TMEM97: variants seen among roughly 807,000 people sequenced by gnomAD.
The protein encoded by TMEM97 is sigma intracellular receptor 2.
In TMEM97, 13 loss-of-function variants were observed where a neutral mutation model predicts 18.3. The observed-to-expected ratio is 0.71, with a 90% CI of 0.46 to 1.13. TMEM97 has a LOEUF of 1.13. Among genes scored for constraint, TMEM97 ranks in the 50% most tolerant of loss-of-function variants. The pLI, the probability that TMEM97 is intolerant of heterozygous loss-of-function variation, is 0.00. For missense variants in TMEM97, 205 were observed against 210.5 expected (o/e 0.97, Z 0.16); for synonymous variants, 76 against 85.3 (o/e 0.89, Z 0.60).
At position 28,326,931 on chromosome 17, in the gene TMEM97, G is replaced by T. The variant is rs1906375326; in HGVS notation, c.*138G>T. On this transcript the variant is annotated 3_prime_UTR_variant, in exon 3 of 3. Transcript: ENST00000226230. ...CAGCAATGCACAAGAGCAAGATGGT[G>T]TCAGGAACCATGTCAAACCCTCACC... 6.5e-6 allele frequency: 7 copies of T among 1,084,438 alleles called. No homozygotes were observed. Among genetic ancestry groups the T allele is most frequent in the Non-Finnish European group, 9.2e-6 (7 of 758,582 alleles). The allele number at this position is 1,084,438 out of a possible 1,614,324, so 67.2% of individuals were successfully genotyped here.
intron 1 of TMEM97, among the ~76,000 whole-genome samples, chr17:28,321,838 G>C (rs936259003): frequency 3.8e-4 from 57 of 151,082 alleles, no homozygotes; most frequent in Non-Finnish European, 5.6e-4. Context: ...GTGTGTGTGT[G>C]TGTGTTTGTG....
At chr17:28,325,301 C>T (rs1555575325) in intron 1 of TMEM97, among the ~76,000 whole-genome samples, 1 of 152,056 alleles carries the variant, frequency 6.6e-6, no homozygotes, top group African/African-American at 2.4e-5. Flanking sequence ...GAGAAGGGAA[C>T]ATTTGAGTTA....
intron 1 of TMEM97, chr17:28,319,618 G>C (rs1417292378): frequency 1.8e-5 from 7 of 389,728 alleles, no homozygotes; most frequent in Middle Eastern, 1.3e-3. Context: ...CTGGGTTTAA[G>C]GTTTCCCGCG....
intron 1 of TMEM97, 164 bp downstream of exon 1, chr17:28,319,529 T>A: frequency 2.4e-6 from 2 of 847,606 alleles, no homozygotes; most frequent in African/African-American, 3.6e-5. Flanking sequence ...GGTGTTTTCC[T>A]CGGGCTTTGT....
At chr17:28,326,449 G>T in intron 2 of TMEM97, 85 bp from the exon 3 acceptor site, 1 of 1,485,460 alleles carries the variant, frequency 6.7e-7, no homozygotes, top group South Asian at 1.3e-5. Flanking sequence ...GAAGAAAGCA[G>T]GCAGGCAGAG....
At chr17:28,321,997 G>T (rs1906166156) in intron 1 of TMEM97, among the ~76,000 whole-genome samples, 1 of 152,074 alleles carries the variant, frequency 6.6e-6, no homozygotes, top group African/African-American at 2.4e-5. Context: ...TGATTTTGTT[G>T]CTTCTCTATG....
chr17:28,324,997 C>T (rs548320384), intron 1 of TMEM97, among the ~76,000 whole-genome samples: 1 of 136,232 alleles, frequency 7.3e-6, no homozygotes, highest in Admixed American at 7.9e-5. Context: ...AAATTCAATT[C>T]ATTTCTGCAT....
chr17:28,325,407 T>C, intron 1 of TMEM97, 96 bp from the exon 2 acceptor site: 1 of 1,502,078 alleles, frequency 6.7e-7, no homozygotes, highest in Non-Finnish European at 8.9e-7. Flanking sequence ...GGTGGCTAAT[T>C]AATGACAGGC....
intron 1 of TMEM97, 75 bp downstream of exon 1, chr17:28,319,440 G>C (rs1906051767): frequency 6.9e-7 from 1 of 1,443,544 alleles, no homozygotes; most frequent in Non-Finnish European, 9.1e-7. Flanking sequence ...CACCTCCTCC[G>C]CGCTCGCGCA....
intron 1 of TMEM97, 129 bp from the exon 2 acceptor site, chr17:28,325,374 C>T: frequency 8.3e-7 from 1 of 1,198,840 alleles, no homozygotes; most frequent in Non-Finnish European, 1.2e-6. Context: ...CTGGACATGC[C>T]ATCTGCTGCC....
chr17:28,319,485 C>T (rs1304649865), intron 1 of TMEM97, 120 bp downstream of exon 1: 4 of 1,238,384 alleles, frequency 3.2e-6, no homozygotes, highest in African/African-American at 1.6e-5. Context: ...GGGTCCTGCC[C>T]ATGCCTCCCC....
At chr17:28,319,482 GC>G in intron 1 of TMEM97, 117 bp downstream of exon 1, 1 of 1,268,498 alleles carries the variant, frequency 7.9e-7, no homozygotes, top group Non-Finnish European at 1.0e-6. Context: ...CTCGGGTCCT[GC>G]CCATGCCTCC....
At chr17:28,319,762 C>T (rs536048494) in intron 1 of TMEM97, 1 of 159,448 alleles carries the variant, frequency 6.3e-6, no homozygotes, top group African/African-American at 2.4e-5. Context: ...AAATACCAGT[C>T]TGATCCCAAA....
Position 28,325,539 on chromosome 17 carries a change from A to C in TMEM97, c.163A>C (p.Lys55Gln). Residue 55 changes from lysine to glutamine, a missense_variant, in exon 2 of 3, where the codon AAA (lysine) becomes CAA (glutamine). Transcript: ENST00000226230. ...NLLKWYAKEF[K>Q]DPLLQEPPAW... is the part of the protein sequence containing the mutation. ...GCTGAAGTGGTATGCTAAGGAGTTCAAAGACCCACTGCTACAGGAGCCCCC... is the reference window on the plus strand; with the variant it reads ...GCTGAAGTGGTATGCTAAGGAGTTCCAAGACCCACTGCTACAGGAGCCCCC... 1 of 1,614,184 alleles carries C rather than the reference A, an allele frequency of 6.2e-7. No homozygotes were observed. Among genetic ancestry groups the C allele is most frequent in the Non-Finnish European group, 8.5e-7 (1 of 1,180,028 alleles).
intron 1 of TMEM97, among the ~76,000 whole-genome samples, chr17:28,321,352 T>A (rs1448036375): frequency 6.6e-6 from 1 of 152,234 alleles, no homozygotes; most frequent in African/African-American, 2.4e-5. Flanking sequence ...CACAAGCCCG[T>A]CTTGCTCACC....
chr17:28,326,342 T>G (rs1269483267), intron 2 of TMEM97, among the ~76,000 whole-genome samples, 192 bp from the exon 3 acceptor site: 2 of 152,194 alleles, frequency 1.3e-5, no homozygotes, highest in African/African-American at 4.8e-5. Flanking sequence ...CTTGGTTCTT[T>G]GGCGAGCTGT....
chr17:28,326,919 G>A lies in TMEM97; in HGVS notation c.*126G>A. On this transcript the variant is annotated 3_prime_UTR_variant, in exon 3 of 3. Coordinates refer to ENST00000226230, the MANE Select transcript of TMEM97 (RefSeq NM_014573.3). The stretch of plus-strand genomic sequence containing the variant: ...TTGAAACACTGGCAGCAATGCACAA[G>A]AGCAAGATGGTGTCAGGAACCATGT... 1 of 1,171,970 alleles carries A rather than the reference G, an allele frequency of 8.5e-7. No individual in the cohort carries two copies. The highest frequency in any genetic ancestry group is 1.2e-6 in the Non-Finnish European group (1 of 835,704). 72.6% of individuals were successfully genotyped at this position (1,171,970 alleles called of 1,614,324 possible). A position where few individuals can be genotyped will look rare whatever the true frequency, so the allele number is the denominator to read the frequency against.
intron 1 of TMEM97, among the ~76,000 whole-genome samples, chr17:28,323,488 T>TG (rs1447916875): frequency 5.3e-5 from 8 of 151,904 alleles, no homozygotes; most frequent in Non-Finnish European, 1.0e-4. Context: ...CGGAGTGCAG[T>TG]GGCTCGATCT....
rs1357450885 is a variant in TMEM97 at position 28,327,489 on chromosome 17, G to A, written c.*696G>A. On this transcript the variant is annotated 3_prime_UTR_variant, in exon 3 of 3. Transcript: ENST00000226230. ...CCTGACCCACAGCATATATGCTTAT[G>A]ACTAAACCCTCCACTCCTGATTCTC... is the stretch of plus-strand genomic sequence containing the variant. 6.6e-6 allele frequency: 1 copy of A among 152,224 alleles called. No individual in the cohort carries two copies. Among genetic ancestry groups the A allele is most frequent in the East Asian group, 1.9e-4 (1 of 5,196 alleles). 9.4% of individuals were successfully genotyped at this position (152,224 alleles called of 1,614,324 possible). A position where few individuals can be genotyped will look rare whatever the true frequency, so the allele number is the denominator to read the frequency against.
Sources: allele counts gnomAD v4.1 joint callset (sites outside exome capture counted in the v4.1 genomes callset), GRCh38; gene constraint gnomAD v4.1.1; transcripts MANE v1.5; gene names NCBI Gene and HGNC (gene_info 2026-07-23, HGNC 2026-07-21).